Variants in DCAF12 observed in about 807,000 individuals in gnomAD.
DCAF12 encodes the protein DDB1- and CUL4-associated factor 12.
A neutral mutation model predicts 52.8 loss-of-function variants in DCAF12; 28 were observed. The ratio of observed to expected loss-of-function variants is 0.53; its 90% CI spans 0.39 to 0.73. The LOEUF (loss-of-function observed/expected upper bound fraction) is 0.73, where lower values mean the gene tolerates loss of function less well. Ranked by LOEUF, DCAF12 falls within the 30% of genes least tolerant of loss-of-function variation. The probability of loss-of-function intolerance (pLI) is 0.00; values close to 1 mark genes in which losing one functional copy is unlikely to be tolerated. For missense variants in DCAF12, 425 were observed against 552.2 expected, an observed-to-expected ratio of 0.77 and a Z score of 2.31; for synonymous variants, 196 against 215.5, an observed-to-expected ratio of 0.91 and a Z score of 0.79.
intron 6 of DCAF12, among the ~76,000 whole-genome samples, chr9:34,094,463 T>C (rs1056250583): frequency 2.0e-5 from 3 of 151,748 alleles, no homozygotes; most frequent in African/African-American, 4.8e-5. Context: ...ATGTAAAAGT[T>C]GCTTGTTGAA....
chr9:34,099,171 G>GA (rs1232419869), intron 4 of DCAF12, among the ~76,000 whole-genome samples: 1 of 151,954 alleles, frequency 6.6e-6, no homozygotes, highest in East Asian at 1.9e-4. Context: ...GGGTTCTAGC[G>GA]ATTCTCCTGC....
intron 1 of DCAF12, chr9:34,125,502 G>A: frequency 1.6e-6 from 1 of 622,800 alleles, no homozygotes; most frequent in Non-Finnish European, 3.0e-6. Flanking sequence ...TACAAGGGCT[G>A]AAAGTCAAGG....
chr9:34,088,345 T>C lies in DCAF12; in HGVS notation c.*5A>G. On this transcript the variant is annotated 3_prime_UTR_variant, in exon 9 of 9. Coordinates refer to ENST00000361264, the MANE Select transcript of DCAF12 (RefSeq NM_015397.4). ...GTGTAAATCTCTGCATTTGGGGAGT[T>C]GTCATTAACTCCAGAGCCCAGCATA... 6.5e-7 allele frequency: 1 copy of C among 1,543,688 alleles called. No individual in the cohort carries two copies. The highest frequency in any genetic ancestry group is 8.7e-7 in the Non-Finnish European group (1 of 1,150,058).
chr9:34,093,211 AC>A, intron 7 of DCAF12, 74 bp downstream of exon 7: 1 of 1,568,922 alleles, frequency 6.4e-7, no homozygotes, highest in Non-Finnish European at 8.7e-7. Flanking sequence ...CTGTTTGGAA[AC>A]CAACAAAGAA....
intron 7 of DCAF12, 85 bp downstream of exon 7, chr9:34,093,201 C>T (rs1828673959): frequency 6.6e-6 from 10 of 1,526,248 alleles, no homozygotes; most frequent in Non-Finnish European, 4.5e-6. Flanking sequence ...AGCACTATAC[C>T]TGTTTGGAAA....
At chr9:34,124,291 G>A (rs1349126227) in intron 2 of DCAF12, among the ~76,000 whole-genome samples, 1 of 152,186 alleles carries the variant, frequency 6.6e-6, no homozygotes, top group African/African-American at 2.4e-5. Flanking sequence ...CCTAGGCCCT[G>A]CCTCTTTTCA....
At position 34,104,763 on chromosome 9, in the gene DCAF12, A is replaced by G. The variant is rs573420253; in HGVS notation, c.601+1671T>C. On this transcript the variant is annotated intron_variant, in intron 4 of 8. Coordinates refer to ENST00000361264, the MANE Select transcript of DCAF12 (RefSeq NM_015397.4). ...AAACCCCATCTCTACTAAAAAATACAAAAATTAGCCAGGCGTGGTGGTGGG... is the reference window on the plus strand; with the variant it reads ...AAACCCCATCTCTACTAAAAAATACGAAAATTAGCCAGGCGTGGTGGTGGG... Among the ~76,000 whole-genome samples the G allele has an allele frequency of 2.0e-4, 30 of 152,010 alleles. 1 individual carries two copies. In the South Asian group the frequency reaches 6.2e-3, roughly 32 times the overall value.
chr9:34,122,697 C>T (rs1289904200), intron 2 of DCAF12, among the ~76,000 whole-genome samples: 5 of 152,134 alleles, frequency 3.3e-5, no homozygotes, highest in Non-Finnish European at 5.9e-5. Flanking sequence ...AGGCTGGTCT[C>T]GAACTCCTGA....
chr9:34,112,283 G>C (rs1015833185), intron 2 of DCAF12, among the ~76,000 whole-genome samples: 1 of 152,064 alleles, frequency 6.6e-6, no homozygotes, highest in Admixed American at 6.6e-5. Flanking sequence ...AATGTGAGTG[G>C]GTTTCTTATC....
In DCAF12 at chr9:34,088,474, T is replaced by C. The variant is rs1036726116; in HGVS notation, c.1238A>G (p.Asp413Gly). Residue 413 changes from aspartate to glycine, a missense_variant, in exon 9 of 9, where the codon GAC becomes GGC. Asp to Gly is a moderately conservative substitution (Grantham distance 94). Coordinates refer to ENST00000361264, the MANE Select transcript of DCAF12 (RefSeq NM_015397.4). ...HDETWRNYFS[D>G]IDFFPNAVYT... ...AACAGCATTGGGGAAGAAGTCAATG[T>C]CTGAAAAGTAATTCCTCCAGGTTTC... 1.2e-6 allele frequency: 2 copies of C among 1,614,058 alleles called. No homozygotes were observed. The highest frequency in any genetic ancestry group is 2.7e-5 in the African/African-American group (2 of 74,928).
intron 2 of DCAF12, among the ~76,000 whole-genome samples, chr9:34,116,272 G>A (rs975788196): frequency 5.9e-5 from 9 of 151,922 alleles, no homozygotes; most frequent in African/African-American, 2.4e-5. Context: ...TAGGAGAATC[G>A]CTTGAACCCA....
chr9:34,100,113 C>A (rs188358456), intron 4 of DCAF12, among the ~76,000 whole-genome samples: 59 of 151,782 alleles, frequency 3.9e-4, no homozygotes, highest in African/African-American at 1.4e-3. Flanking sequence ...TAGCTCACTG[C>A]AGGCTCAACT....
At chr9:34,123,877 G>A (rs1829209586) in intron 2 of DCAF12, among the ~76,000 whole-genome samples, 1 of 152,084 alleles carries the variant, frequency 6.6e-6, no homozygotes, top group Non-Finnish European at 1.5e-5. Flanking sequence ...AGGAAGTTCT[G>A]TGGAGGCCCG....
intron 5 of DCAF12, 49 bp from the exon 6 acceptor site, chr9:34,096,830 T>C (rs1472553910): frequency 6.5e-7 from 1 of 1,548,856 alleles, no homozygotes; most frequent in Non-Finnish European, 8.9e-7. Context: ...TAGCAACTAA[T>C]GTACGATAAT....
At chr9:34,106,676 G>A (rs1450058468) in intron 3 of DCAF12, among the ~76,000 whole-genome samples, 182 bp from the exon 4 acceptor site, 1 of 152,114 alleles carries the variant, frequency 6.6e-6, no homozygotes, top group African/African-American at 2.4e-5. Context: ...TCTATCTTGA[G>A]GAGCTCAAAG....
intron 2 of DCAF12, among the ~76,000 whole-genome samples, chr9:34,123,373 T>C (rs1403761589): frequency 6.6e-6 from 1 of 152,212 alleles, no homozygotes; most frequent in African/African-American, 2.4e-5. Flanking sequence ...ACTCAGAATA[T>C]TTCCCAGATG....
At chr9:34,101,810 T>C (rs1587734599) in intron 4 of DCAF12, among the ~76,000 whole-genome samples, 1 of 151,266 alleles carries the variant, frequency 6.6e-6, no homozygotes, top group East Asian at 2.0e-4. Context: ...AGCTCAAGAG[T>C]TTGAGACCAG....
rs748100145 is a variant in DCAF12 at position 34,107,556 on chromosome 9, C to T, written c.343G>A (p.Val115Ile). The T allele has an allele frequency of 6.8e-6, 11 of 1,613,834 alleles. No homozygotes were observed. The highest frequency in any genetic ancestry group is 3.3e-5 in the Admixed American group (2 of 59,960). Reference sequence around the variant, plus strand: ...GTGATCTGGCTTGTCTGGACATCTACGACAAATAGCTACAAGAAAAAATGG... The same window carrying T: ...GTGATCTGGCTTGTCTGGACATCTATGACAAATAGCTACAAGAAAAAATGG... ...CGTKCNTLFV[V>I]DVQTSQITKI... is the part of the protein sequence containing the mutation. Residue 115 changes from valine to isoleucine, a missense_variant, in exon 3 of 9, where the codon GTA becomes ATA. Physicochemically the swap from Val to Ile is conservative, Grantham distance 29 (BLOSUM62 3). Transcript: ENST00000361264.
chr9:34,102,005 A>G (rs1828836625), intron 4 of DCAF12, among the ~76,000 whole-genome samples: 1 of 139,712 alleles, frequency 7.2e-6, no homozygotes, highest in African/African-American at 2.6e-5. Flanking sequence ...ACAGAGTGAG[A>G]CCCTGTCGCA....
Sources: gnomAD v4.1 joint callset for allele counts (sites outside exome capture counted in the v4.1 genomes callset) on GRCh38, gnomAD v4.1.1 for gene constraint, MANE v1.5 for transcripts, NCBI Gene and HGNC (gene_info 2026-07-23, HGNC 2026-07-21) for gene names.